The following WDR7 variants were observed in gnomAD, a reference collection of about 807,000 sequenced individuals.
WDR7 encodes WD repeat-containing protein 7.
In WDR7, 46 loss-of-function variants were observed where a neutral mutation model predicts 169.4. The observed-to-expected ratio is 0.27, with a 90% CI of 0.21 to 0.35. WDR7 has a LOEUF of 0.35. Among genes scored for constraint, WDR7 ranks in the 10% least tolerant of loss-of-function variants. The pLI, the probability that WDR7 is intolerant of heterozygous loss-of-function variation, is 1.00. For missense variants in WDR7, 1,534 were observed against 1,859.3 expected (o/e 0.83, Z 3.22); for synonymous variants, 612 against 666.8 (o/e 0.92, Z 1.27).
intron 19 of WDR7, among the ~76,000 whole-genome samples, chr18:56,796,489 A>T (rs1457877756): frequency 6.6e-6 from 1 of 152,214 alleles, no homozygotes; most frequent in Non-Finnish European, 1.5e-5. Flanking sequence ...ACAAAGCCTC[A>T]GCTGGTATAC....
At chr18:56,808,287 C>T (rs746318225) in intron 19 of WDR7, among the ~76,000 whole-genome samples, 3 of 152,158 alleles carry the variant, frequency 2.0e-5, no homozygotes, top group Non-Finnish European at 2.9e-5. Context: ...TTACCTCATT[C>T]ACAGTAAATG....
At chr18:56,758,722 ATCTT>A in intron 15 of WDR7, 139 bp from the exon 16 acceptor site, 1 of 566,922 alleles carries the variant, frequency 1.8e-6, no homozygotes, top group East Asian at 3.3e-5. Context: ...ACCAAAAAAA[ATCTT>A]TCTGGAATGG....
chr18:56,804,448 A>G (rs1400048744), intron 19 of WDR7, among the ~76,000 whole-genome samples: 2 of 152,214 alleles, frequency 1.3e-5, no homozygotes, highest in Non-Finnish European at 2.9e-5. Context: ...TGAGAAACAT[A>G]AAAAACGTGT....
At chr18:56,750,648 G>A (rs966153941) in intron 14 of WDR7, among the ~76,000 whole-genome samples, 3 of 152,184 alleles carry the variant, frequency 2.0e-5, no homozygotes, top group African/African-American at 4.8e-5. Context: ...TTCTGGATCC[G>A]ATAGTCCGTA....
chr18:56,656,737 T>G (rs1170631106), intron 1 of WDR7, among the ~76,000 whole-genome samples: 3 of 152,184 alleles, frequency 2.0e-5, no homozygotes, highest in Non-Finnish European at 4.4e-5. Context: ...TTTATGTATT[T>G]TTATTCTTTC....
intron 26 of WDR7, among the ~76,000 whole-genome samples, chr18:56,980,573 A>G (rs1025898393): frequency 6.7e-6 from 1 of 148,894 alleles, no homozygotes; most frequent in South Asian, 2.1e-4. Flanking sequence ...AAATAATTAA[A>G]GAAACACATT....
intron 20 of WDR7, among the ~76,000 whole-genome samples, chr18:56,867,199 T>A (rs1055917496): frequency 6.6e-6 from 1 of 151,960 alleles, no homozygotes; most frequent in Non-Finnish European, 1.5e-5. Flanking sequence ...TAATTTTTTT[T>A]ATTTCTTTTG....
intron 12 of WDR7, among the ~76,000 whole-genome samples, chr18:56,704,201 GT>G (rs1457512626): frequency 2.0e-5 from 3 of 152,006 alleles, no homozygotes; most frequent in Non-Finnish European, 2.9e-5. Context: ...ATAATTTTAT[GT>G]TTTCCAAATT....
intron 14 of WDR7, among the ~76,000 whole-genome samples, chr18:56,746,120 G>A (rs2043698933): frequency 1.3e-5 from 2 of 152,184 alleles, no homozygotes; most frequent in African/African-American, 4.8e-5. Flanking sequence ...CAGGGAGACA[G>A]TTTACTGCAT....
intron 19 of WDR7, among the ~76,000 whole-genome samples, chr18:56,807,310 G>A (rs1311067371): frequency 6.6e-6 from 1 of 152,124 alleles, no homozygotes; most frequent in Non-Finnish European, 1.5e-5. Flanking sequence ...GTACAGTTGT[G>A]TATCAAAACG....
At chr18:56,958,943 G>A (rs1568286574) in intron 25 of WDR7, among the ~76,000 whole-genome samples, 1 of 152,030 alleles carries the variant, frequency 6.6e-6, no homozygotes, top group African/African-American at 2.4e-5. Flanking sequence ...AAAACACAAA[G>A]TCCCAGATGG....
At chr18:56,957,697 G>A (rs1256582596) in intron 25 of WDR7, among the ~76,000 whole-genome samples, 2 of 152,090 alleles carry the variant, frequency 1.3e-5, no homozygotes, top group East Asian at 3.8e-4. Context: ...GCTGCACATA[G>A]TAGTAGTTGT....
chr18:57,020,809 C>T lies in WDR7; in HGVS notation c.4229C>T (p.Ala1410Val), dbSNP rs1599253110. Residue 1410 changes from alanine to valine, a missense_variant, in exon 27 of 28, where the codon GCC (alanine) becomes GTC (valine). Coordinates refer to ENST00000254442, the MANE Select transcript of WDR7 (RefSeq NM_015285.3). ...TTTGCTCCTGATGGAAGATATCTTG[C>T]CACCTACTCAAACACTGACAGCCAC... is the stretch of plus-strand genomic sequence containing the variant. Reference protein sequence around the residue: ...VAFAPDGRYLATYSNTDSHIS... With the variant: ...VAFAPDGRYLVTYSNTDSHIS... 1.2e-6 allele frequency: 2 copies of T among 1,614,152 alleles called. No individual in the cohort carries two copies. The highest frequency in any genetic ancestry group is 1.7e-6 in the Non-Finnish European group (2 of 1,180,006).
intron 20 of WDR7, among the ~76,000 whole-genome samples, chr18:56,858,053 A>G (rs1239707608): frequency 6.6e-6 from 1 of 152,036 alleles, no homozygotes; most frequent in African/African-American, 2.4e-5. Context: ...TTCTCTCTCC[A>G]GATCTCATCT....
chr18:56,799,620 G>A (rs1351749650), intron 19 of WDR7, among the ~76,000 whole-genome samples: 1 of 152,060 alleles, frequency 6.6e-6, no homozygotes, highest in East Asian at 1.9e-4. Context: ...GTTTCAAGAA[G>A]TATTTTACAT....
chr18:57,006,205 A>C (rs1457258297), intron 26 of WDR7, among the ~76,000 whole-genome samples: 1 of 152,224 alleles, frequency 6.6e-6, no homozygotes, highest in African/African-American at 2.4e-5. Flanking sequence ...GGTCACATGC[A>C]TGATAGTAAT....
chr18:57,007,615 TTTG>T (rs2048081153), intron 26 of WDR7, among the ~76,000 whole-genome samples: 1 of 152,190 alleles, frequency 6.6e-6, no homozygotes, highest in Non-Finnish European at 1.5e-5. Context: ...TCAAAGCAAT[TTTG>T]TTATTAACTA....
At chr18:57,025,337 CTG>C (rs990402701) in intron 27 of WDR7, among the ~76,000 whole-genome samples, 2 of 152,148 alleles carry the variant, frequency 1.3e-5, no homozygotes, top group African/African-American at 4.8e-5. Flanking sequence ...CAGCAATCTT[CTG>C]TGTCATTTGG....
intron 23 of WDR7, 24 bp downstream of exon 23, chr18:56,935,929 T>A: frequency 1.9e-6 from 3 of 1,583,122 alleles, no homozygotes; most frequent in Non-Finnish European, 2.6e-6. Context: ...CTCAGTGTGC[T>A]CCATCTTCTC....
Sources: gnomAD v4.1 joint callset for allele counts (sites outside exome capture counted in the v4.1 genomes callset) on GRCh38, gnomAD v4.1.1 for gene constraint, MANE v1.5 for transcripts, NCBI Gene and HGNC (gene_info 2026-07-23, HGNC 2026-07-21) for gene names.